Variants in ASB15 observed in about 807,000 individuals in gnomAD.
ASB15 encodes ankyrin repeat and SOCS box containing 15, also known as ankyrin repeat and SOCS box protein 15.
ASB15 carries 54 observed loss-of-function variants against 58.0 expected under a neutral mutation model. The ratio of observed to expected loss-of-function variants is 0.93; its 90% CI spans 0.75 to 1.17. The LOEUF (loss-of-function observed/expected upper bound fraction) is 1.17. ASB15 is among the 50% of genes most tolerant of loss of function. The pLI is 0.00. For missense variants in ASB15, 680 were observed against 707.4 expected (o/e 0.96, Z 0.44); for synonymous variants, 249 against 262.4 (o/e 0.95, Z 0.50).
intron 9 of ASB15, among the ~76,000 whole-genome samples, chr7:123,627,845 A>G (rs1460216864): frequency 6.6e-6 from 1 of 152,206 alleles, no homozygotes; most frequent in Non-Finnish European, 1.5e-5. Flanking sequence ...CCTATATTAA[A>G]CTACCCACCA....
chr7:123,629,117 G>C lies in ASB15; in HGVS notation c.1123G>C (p.Asp375His). 1 of 1,614,124 alleles carries C rather than the reference G, an allele frequency of 6.2e-7. No homozygotes were observed. Among genetic ancestry groups the C allele is most frequent in the Non-Finnish European group, 8.5e-7 (1 of 1,179,968 alleles). The stretch of plus-strand genomic sequence containing the variant: ...AGAAGTCCTTCTGGCTGCAGGTGCA[G>C]ACCCAAACTTAGATCCCCTCAACTG... The part of the protein sequence containing the change: ...CTEVLLAAGA[D>H]PNLDPLNCLL... The change falls in exon 10 of 12, where the codon GAC becomes CAC. Residue 375 changes from aspartate (D) to histidine (H), a missense_variant. Coordinates refer to ENST00000451215, the MANE Select transcript of ASB15 (RefSeq NM_001290258.2).
At chr7:123,577,672 A>T (rs1799102306) in intron 1 of ASB15, among the ~76,000 whole-genome samples, 1 of 152,172 alleles carries the variant, frequency 6.6e-6, no homozygotes, top group Admixed American at 6.6e-5. Flanking sequence ...GTTGAACAAT[A>T]CAGAGTCAAA....
chr7:123,623,919 GAAGAAAGAAAGAAAAGAAAGA>G (rs1268972590), intron 7 of ASB15, among the ~76,000 whole-genome samples: 6 of 17,056 alleles, frequency 3.5e-4, no homozygotes, highest in Non-Finnish European at 6.3e-4. Flanking sequence ...AGGAAGGAAG[GAAGAAAGAAAGAAAAGAAAGA>G]AAGAAAGAAA....
At chr7:123,627,651 A>C (rs1370929224) in intron 9 of ASB15, among the ~76,000 whole-genome samples, 1 of 152,244 alleles carries the variant, frequency 6.6e-6, no homozygotes, top group African/African-American at 2.4e-5. Flanking sequence ...AATTTGTAGC[A>C]ATACTATCAG....
At chr7:123,574,848 A>G (rs371155447) in intron 1 of ASB15, among the ~76,000 whole-genome samples, 1 of 151,410 alleles carries the variant, frequency 6.6e-6, no homozygotes, top group South Asian at 2.1e-4. Flanking sequence ...CCTCCAAAGT[A>G]CTCTTTTTAT....
Position 123,569,234 on chromosome 7 carries a change from C to T in ASB15, c.-443+2146C>T, listed in dbSNP as rs145375033. ...CAGACGTAAATGGCAATCTTGGCAA[C>T]ATCTTAACATTGAGGGAATAAAAAG... On this transcript the variant is annotated intron_variant, in intron 1 of 13. Transcript: ENST00000451558. Among the ~76,000 whole-genome samples, 453 of 152,196 alleles carry T rather than the reference C, an allele frequency of 3.0e-3. 4 individuals are homozygous for T. The highest frequency in any genetic ancestry group is 0.01 in the African/African-American group (429 of 41,528).
chr7:123,594,215 G>A (rs1461613472), intron 1 of ASB15, among the ~76,000 whole-genome samples: 2 of 152,004 alleles, frequency 1.3e-5, no homozygotes, highest in Non-Finnish European at 2.9e-5. Flanking sequence ...TCCTTGCAAT[G>A]GGTTAGAACA....
chr7:123,629,550 G>T, intron 10 of ASB15, 116 bp downstream of exon 10: 1 of 1,031,236 alleles, frequency 9.7e-7, no homozygotes, highest in Non-Finnish European at 1.4e-6. Context: ...TATTTTTCTT[G>T]TTTTTTCAAT....
chr7:123,582,753 T>C (rs912769680), intron 1 of ASB15, among the ~76,000 whole-genome samples: 2 of 152,018 alleles, frequency 1.3e-5, no homozygotes, highest in African/African-American at 4.8e-5. Context: ...CATCACCTTC[T>C]TTTGATCATC....
intron 1 of ASB15, among the ~76,000 whole-genome samples, chr7:123,595,269 TC>T (rs1168007419): frequency 6.6e-6 from 1 of 152,164 alleles, no homozygotes; most frequent in Non-Finnish European, 1.5e-5. Context: ...ATGGCCCACC[TC>T]CCATCCCTAC....
chr7:123,632,579 CT>C (rs1802179577), intron 11 of ASB15, among the ~76,000 whole-genome samples: 1 of 152,232 alleles, frequency 6.6e-6, no homozygotes, highest in South Asian at 2.1e-4. Context: ...AATGTGTACT[CT>C]TTTATCCCTG....
Position 123,585,189 on chromosome 7 carries a change from T to C in ASB15, c.-443+18101T>C, listed in dbSNP as rs187488917. ...ATCTGAACAAAGAATTCAAATAATCTTGCATTTGAATTTTGTACCAATCCC... is the reference window on the plus strand; with the variant it reads ...ATCTGAACAAAGAATTCAAATAATCCTGCATTTGAATTTTGTACCAATCCC... On this transcript the variant is annotated intron_variant, in intron 1 of 13. Coordinates refer to the ASB15 transcript ENST00000451558. Among the ~76,000 whole-genome samples the C allele has an allele frequency of 4.2e-4, 64 of 151,970 alleles. 2 individuals are homozygous for C. In the East Asian group the frequency reaches 0.012, roughly 28 times the overall value.
chr7:123,572,202 C>G (rs367599253), intron 1 of ASB15, among the ~76,000 whole-genome samples: 20 of 126,732 alleles, frequency 1.6e-4, no homozygotes, highest in Non-Finnish European at 2.3e-4. Context: ...AGTGCAGTGA[C>G]GCGATCTTGC....
rs572866166 is a variant in ASB15 at position 123,608,655 on chromosome 7, G to A, written c.-3+1G>A. The A allele has an allele frequency of 2.6e-5, 4 of 152,298 alleles. No homozygotes were observed. Among genetic ancestry groups the A allele is most frequent in the South Asian group, 2.1e-4 (1 of 4,824 alleles). The allele number at this position is 152,298 out of a possible 1,614,324, so 9.4% of individuals were successfully genotyped here. ...AAGGAATCGCTGTAACTTATTGCTT[G>A]TAAGTAAAATTACCTGTGACTGTGG... is the stretch of plus-strand genomic sequence containing the variant. On this transcript the variant is annotated splice_donor_variant, in intron 3 of 11. Transcript: ENST00000451215. LOFTEE classifies it low-confidence loss of function (5UTR_SPLICE).
chr7:123,638,638 A>T lies in ASB15; in HGVS notation c.*1657A>T, dbSNP rs908541280. ...CCATCAAATATCTGAGGACCTTTGTATGGGGAACCTCTGCTGTAGAATAGA... is the reference window on the plus strand; with the variant it reads ...CCATCAAATATCTGAGGACCTTTGTTTGGGGAACCTCTGCTGTAGAATAGA... On this transcript the variant is annotated 3_prime_UTR_variant, in exon 12 of 12. Coordinates refer to ENST00000451215, the MANE Select transcript of ASB15 (RefSeq NM_001290258.2). 3 of 152,168 alleles carry T rather than the reference A, an allele frequency of 2.0e-5. No individual in the cohort carries two copies. The highest frequency in any genetic ancestry group is 4.4e-5 in the Non-Finnish European group (3 of 68,028). 9.4% of individuals were successfully genotyped at this position (152,168 alleles called of 1,614,324 possible).
At chr7:123,583,232 T>C (rs1047445803) in intron 1 of ASB15, among the ~76,000 whole-genome samples, 3 of 151,806 alleles carry the variant, frequency 2.0e-5, no homozygotes, top group African/African-American at 7.3e-5. Flanking sequence ...TCTAAAAAGA[T>C]AAATAAATAG....
intron 7 of ASB15, among the ~76,000 whole-genome samples, chr7:123,618,276 G>A (rs1367265723): frequency 6.6e-6 from 1 of 151,490 alleles, no homozygotes; most frequent in African/African-American, 2.4e-5. Context: ...TGTATATCCC[G>A]CTATTTGCTG....
rs754676417 is a variant in ASB15, at chr7:123,624,546, TG to T, written c.452-22del. 1.3e-5 allele frequency: 21 copies of T among 1,599,162 alleles called. No homozygotes were observed. In the East Asian group the frequency reaches 4.2e-4, roughly 32 times the overall value. On this transcript the variant is annotated intron_variant, in intron 7 of 11. Transcript: ENST00000451215. The stretch of plus-strand genomic sequence containing the variant: ...GTATTTGTGTTAATATACTTACTGT[TG>T]TTTTTAACAATCATTTTCAAGCTGT...
upstream of ASB15, among the ~76,000 whole-genome samples, chr7:123,597,863 A>T (rs2116391415): frequency 6.6e-6 from 1 of 151,910 alleles, no homozygotes; most frequent in Middle Eastern, 3.4e-3. Flanking sequence ...ATATGGGGAA[A>T]CTACTCTAGG....
Sources: allele counts gnomAD v4.1 joint callset (sites outside exome capture counted in the v4.1 genomes callset), GRCh38; gene constraint gnomAD v4.1.1; transcripts MANE v1.5; gene names NCBI Gene and HGNC (gene_info 2026-07-23, HGNC 2026-07-21).